Variants in MYO1H observed in about 807,000 individuals in gnomAD.
MYO1H encodes the protein unconventional myosin-Ih.
In MYO1H, 118 loss-of-function variants were observed where a neutral mutation model predicts 149.3. That is an observed-to-expected ratio of 0.79 (90% confidence interval 0.68 to 0.92). The LOEUF (loss-of-function observed/expected upper bound fraction) is 0.92, where lower values mean the gene tolerates loss of function less well. MYO1H is among the 40% of genes least tolerant of loss of function. The pLI is 0.00. For synonymous variants in MYO1H, 447 were observed against 465.2 expected, an observed-to-expected ratio of 0.96 and a Z score of 0.50; for missense variants, 1,212 against 1,280.7, an observed-to-expected ratio of 0.95 and a Z score of 0.82.
At chr12:109,421,970 A>AC (rs1871193583) in intron 16 of MYO1H, among the ~76,000 whole-genome samples, 1 of 151,946 alleles carries the variant, frequency 6.6e-6, no homozygotes, top group East Asian at 1.9e-4. Flanking sequence ...CTTCAGACAC[A>AC]CACCACCACA....
intron 5 of MYO1H, among the ~76,000 whole-genome samples, chr12:109,398,076 T>C (rs1869992369): frequency 6.6e-6 from 1 of 152,218 alleles, no homozygotes; most frequent in African/African-American, 2.4e-5. Context: ...TTCTTACACA[T>C]TGCTGGTGGG....
chr12:109,441,708 G>A (rs1331371237), exon 26 of MYO1H: 2 of 1,605,720 alleles, frequency 1.2e-6, no homozygotes, highest in Admixed American at 1.7e-5. Context: ...CAGTCGGATA[G>A]GTAAGTACAT....
the MYO1H span, among the ~76,000 whole-genome samples, chr12:109,323,978 A>T: frequency 6.6e-6 from 1 of 151,394 alleles, no homozygotes; most frequent in African/African-American, 2.4e-5. Flanking sequence ...TGAGTTTGAA[A>T]TTAGTCTGGG....
chr12:109,443,053 T>C (rs1159071632), intron 27 of MYO1H, among the ~76,000 whole-genome samples: 2 of 87,894 alleles, frequency 2.3e-5, no homozygotes, highest in Non-Finnish European at 4.9e-5. Flanking sequence ...TGTGTATATA[T>C]GTGTACGTAT....
chr12:109,318,980 T>TGTTTTTTTTG, the MYO1H span, among the ~76,000 whole-genome samples: 1 of 136,146 alleles, frequency 7.3e-6, no homozygotes, highest in African/African-American at 2.9e-5. Flanking sequence ...TTGTTTTTTT[T>TGTTTTTTTTG]TTTTTTTTTT....
the MYO1H span, among the ~76,000 whole-genome samples, chr12:109,339,604 C>T: frequency 2.6e-5 from 4 of 152,070 alleles, no homozygotes; most frequent in South Asian, 2.1e-4. Flanking sequence ...ACATGACAAA[C>T]GACTAATTGC....
intron 1 of MYO1H, among the ~76,000 whole-genome samples, chr12:109,378,347 G>A (rs1869130236): frequency 6.6e-6 from 1 of 150,934 alleles, no homozygotes; most frequent in African/African-American, 2.4e-5. Flanking sequence ...TTGAGATAAG[G>A]TCTCACTCTT....
chr12:109,367,657 T>C (rs921867742), intron 1 of MYO1H, among the ~76,000 whole-genome samples: 2 of 152,118 alleles, frequency 1.3e-5, no homozygotes, highest in Admixed American at 1.3e-4. Flanking sequence ...GTTCACCCCA[T>C]TCTCCTGCCT....
the MYO1H span, among the ~76,000 whole-genome samples, chr12:109,315,788 T>C: frequency 6.6e-6 from 1 of 152,228 alleles, no homozygotes; most frequent in African/African-American, 2.4e-5. Flanking sequence ...TTTGGTCTTA[T>C]AATACAGTGA....
intron 1 of MYO1H, among the ~76,000 whole-genome samples, chr12:109,378,327 A>T (rs997962302): frequency 6.8e-5 from 10 of 147,392 alleles, no homozygotes; most frequent in Admixed American, 2.0e-4. Context: ...TTATTTATTT[A>T]TTTATTTTTT....
At chr12:109,421,208 C>T (rs957882574) in intron 16 of MYO1H, among the ~76,000 whole-genome samples, 181 bp downstream of exon 16, 1 of 137,336 alleles carries the variant, frequency 7.3e-6, no homozygotes, top group African/African-American at 2.9e-5. Flanking sequence ...ACTCAACAAA[C>T]CATTCAAATG....
the MYO1H span, among the ~76,000 whole-genome samples, chr12:109,328,914 G>C: frequency 2.6e-5 from 4 of 152,146 alleles, no homozygotes; most frequent in African/African-American, 7.2e-5. Context: ...TGGGAGAGTA[G>C]ACCTTAAATG....
intron 9 of MYO1H, among the ~76,000 whole-genome samples, chr12:109,407,181 G>T (rs1870432899): frequency 6.6e-6 from 1 of 152,046 alleles, no homozygotes; most frequent in Non-Finnish European, 1.5e-5. Context: ...TTTCCTGGGG[G>T]TCACTTCCTC....
At chr12:109,403,150 G>A (rs2137052387) in intron 6 of MYO1H, among the ~76,000 whole-genome samples, 1 of 152,356 alleles carries the variant, frequency 6.6e-6, no homozygotes. Flanking sequence ...AGCAGATGTT[G>A]CTGGTTGTGC....
the MYO1H span, among the ~76,000 whole-genome samples, chr12:109,311,624 A>G: frequency 6.6e-6 from 1 of 152,220 alleles, no homozygotes; most frequent in Non-Finnish European, 1.5e-5. Flanking sequence ...TGATGCTTTC[A>G]CTGAGCTAAA....
chr12:109,443,835 C>T (rs1465197866), intron 28 of MYO1H, among the ~76,000 whole-genome samples, 186 bp downstream of exon 28: 1 of 151,514 alleles, frequency 6.6e-6, no homozygotes, highest in Non-Finnish European at 1.5e-5. Flanking sequence ...CCTGGGAATT[C>T]GAAGCTGCAG....
At chr12:109,387,835 G>A (rs1388687677) in intron 1 of MYO1H, among the ~76,000 whole-genome samples, 1 of 152,160 alleles carries the variant, frequency 6.6e-6, no homozygotes, top group African/African-American at 2.4e-5. Context: ...CTGCCCTCTG[G>A]CCGCAGCTTG....
At chr12:109,396,400 A>G (rs768359684) in exon 4 of MYO1H, 119 of 1,610,834 alleles carry the variant, frequency 7.4e-5, no homozygotes, top group Non-Finnish European at 9.7e-5. Flanking sequence ...TATAGCCGAC[A>G]ACGCTTACCG....
intron 18 of MYO1H, among the ~76,000 whole-genome samples, 152 bp from the exon 19 acceptor site, chr12:109,427,316 CA>C (rs34644066): frequency 0.36 from 36,714 of 101,136 alleles, 5,091 homozygotes; most frequent in Admixed American, 0.42. Context: ...AACCCCATCT[CA>C]AAAAAAAAAA....
Sources: allele counts gnomAD v4.1 joint callset (sites outside exome capture counted in the v4.1 genomes callset), GRCh38; gene constraint gnomAD v4.1.1; transcripts MANE v1.5; gene names NCBI Gene and HGNC (gene_info 2026-07-23, HGNC 2026-07-21).